The following GALNT13 variants were observed in gnomAD, a reference collection of about 807,000 sequenced individuals.
GALNT13 encodes polypeptide N-acetylgalactosaminyltransferase 13.
Under a neutral mutation model 64.2 loss-of-function variants are expected in GALNT13, and 28 were observed. The observed-to-expected ratio is 0.44, with a 90% CI of 0.32 to 0.60. GALNT13 has a LOEUF of 0.60. GALNT13 is among the 20% of genes least tolerant of loss of function. The pLI, the probability that GALNT13 is intolerant of heterozygous loss-of-function variation, is 0.05. For synonymous variants in GALNT13, 214 were observed against 224.6 expected, an observed-to-expected ratio of 0.95 and a Z score of 0.42; for missense variants, 577 against 669.8, an observed-to-expected ratio of 0.86 and a Z score of 1.53.
rs1699482969 is a variant in GALNT13 at position 154,049,741 on chromosome 2, T to C, written c.143-90596T>C. On this transcript the variant is annotated intron_variant, in intron 3 of 12. Coordinates refer to ENST00000392825, the MANE Select transcript of GALNT13 (RefSeq NM_052917.4). ...TAAGGACAGGTTTTCTATAATCCTT[T>C]ACTGGCAAGGTGACAAGCTGGAAAA... 1.3e-5 allele frequency among the ~76,000 whole-genome samples: 2 copies of C among 151,882 alleles called. 1 individual carries two copies. The highest frequency in any genetic ancestry group is 2.9e-5 in the Non-Finnish European group (2 of 67,906).
At chr2:153,603,792 T>C in the GALNT13 span, among the ~76,000 whole-genome samples, 1 of 151,940 alleles carries the variant, frequency 6.6e-6, no homozygotes, top group Admixed American at 6.6e-5. Flanking sequence ...TAAAACCCCA[T>C]GAAAAGAGCC....
chr2:153,877,850 T>G (rs994441343), intron 1 of GALNT13, among the ~76,000 whole-genome samples: 1 of 152,162 alleles, frequency 6.6e-6, no homozygotes, highest in Non-Finnish European at 1.5e-5. Flanking sequence ...TTGTTTACTT[T>G]GTATTTGTAC....
At chr2:153,097,275 T>C in the GALNT13 span, among the ~76,000 whole-genome samples, 3 of 152,158 alleles carry the variant, frequency 2.0e-5, no homozygotes, top group Non-Finnish European at 4.4e-5. Context: ...ATTTATTTTT[T>C]CTACCTAGGA....
In GALNT13 at chr2:154,312,093, C is replaced by T. The variant is rs1036399788; in HGVS notation, c.1156+10504C>T. Among the ~76,000 whole-genome samples the T allele has an allele frequency of 9.9e-5, 15 of 152,092 alleles. No individual in the cohort carries two copies. In the East Asian group the frequency reaches 1.7e-3, roughly 18 times the overall value. ...GGCTGACAGGATTAAGAGATTAAAG[C>T]AAAGACAGGCATAGGAAATCACAAG... On this transcript the variant is annotated intron_variant, in intron 9 of 12. Coordinates refer to ENST00000392825, the MANE Select transcript of GALNT13 (RefSeq NM_052917.4).
At chr2:154,258,964 A>G (rs367956238) in intron 7 of GALNT13, 57 bp from the exon 8 acceptor site, 1 of 906,946 alleles carries the variant, frequency 1.1e-6, no homozygotes. Context: ...CAGTCTCATT[A>G]AACTCCATAC....
the GALNT13 span, among the ~76,000 whole-genome samples, chr2:153,815,842 G>T: frequency 6.6e-6 from 1 of 152,276 alleles, no homozygotes; most frequent in East Asian, 1.9e-4. Flanking sequence ...TTTGTATTAA[G>T]AAAAGTCTTC....
intron 9 of GALNT13, among the ~76,000 whole-genome samples, chr2:154,383,068 A>T (rs868115129): frequency 3.3e-5 from 5 of 151,922 alleles, no homozygotes; most frequent in Admixed American, 2.0e-4. Flanking sequence ...GAGGTATAGT[A>T]TGCTGCTCAT....
At chr2:153,898,478 A>C (rs1288468170) in intron 1 of GALNT13, among the ~76,000 whole-genome samples, 1 of 152,132 alleles carries the variant, frequency 6.6e-6, no homozygotes, top group Non-Finnish European at 1.5e-5. Context: ...TTATCCAATT[A>C]AATTGAAGTG....
chr2:153,196,048 G>T, the GALNT13 span, among the ~76,000 whole-genome samples: 5 of 152,160 alleles, frequency 3.3e-5, no homozygotes, highest in African/African-American at 7.2e-5. Flanking sequence ...GGCTTTTATA[G>T]ACCTAAGAAG....
the GALNT13 span, among the ~76,000 whole-genome samples, chr2:153,443,514 T>C: frequency 2.4e-4 from 36 of 152,252 alleles, no homozygotes; most frequent in African/African-American, 7.7e-4. Context: ...TCTAATTTCA[T>C]AAATATGTCA....
chr2:153,676,419 G>T, the GALNT13 span, among the ~76,000 whole-genome samples: 1 of 152,032 alleles, frequency 6.6e-6, no homozygotes, highest in Non-Finnish European at 1.5e-5. Context: ...ATTCATAACT[G>T]AATTCTACCA....
At chr2:153,821,518 T>G in the GALNT13 span, among the ~76,000 whole-genome samples, 4 of 152,034 alleles carry the variant, frequency 2.6e-5, no homozygotes, top group South Asian at 6.2e-4. Context: ...AAGGCAGAAA[T>G]CAAAAAATTC....
chr2:154,454,151 G>A (rs1701976619), downstream of GALNT13, among the ~76,000 whole-genome samples: 1 of 152,044 alleles, frequency 6.6e-6, no homozygotes, highest in Non-Finnish European at 1.5e-5. Context: ...TGCAGTCAAT[G>A]GAATAAACAC....
chr2:153,187,639 A>G, the GALNT13 span: 1 of 152,198 alleles, frequency 6.6e-6, no homozygotes, highest in African/African-American at 2.4e-5. Context: ...TGTCTCCCAC[A>G]TATATACTTT....
the GALNT13 span, among the ~76,000 whole-genome samples, chr2:153,619,474 G>C: frequency 2.0e-5 from 3 of 152,002 alleles, no homozygotes; most frequent in Non-Finnish European, 4.4e-5. Context: ...ATAATATTCT[G>C]AGTTTTTTTC....
chr2:153,126,648 C>T, the GALNT13 span, among the ~76,000 whole-genome samples: 5 of 151,974 alleles, frequency 3.3e-5, no homozygotes, highest in African/African-American at 1.2e-4. Flanking sequence ...AAAAGTACGG[C>T]CAATCTTGTA....
At chr2:153,113,249 A>G in the GALNT13 span, among the ~76,000 whole-genome samples, 304 of 152,114 alleles carry the variant, frequency 2.0e-3, 4 homozygotes, top group African/African-American at 6.8e-3. Flanking sequence ...ATGGAGATTC[A>G]GAATTCTTCT....
chr2:154,429,614 A>G (rs10191340), intron 11 of GALNT13, among the ~76,000 whole-genome samples: 13,536 of 152,302 alleles, frequency 0.089, 824 homozygotes, highest in Non-Finnish European at 0.13. Context: ...CAAGTTATCC[A>G]GAAGATCCAG....
chr2:154,333,144 C>T (rs1695257093), intron 9 of GALNT13, among the ~76,000 whole-genome samples: 1 of 151,940 alleles, frequency 6.6e-6, no homozygotes, highest in Non-Finnish European at 1.5e-5. Flanking sequence ...TTCTGTATTG[C>T]CAGGACCTCC....
Sources: gnomAD v4.1 joint callset for allele counts (sites outside exome capture counted in the v4.1 genomes callset) on GRCh38, gnomAD v4.1.1 for gene constraint, MANE v1.5 for transcripts, NCBI Gene and HGNC (gene_info 2026-07-23, HGNC 2026-07-21) for gene names.